APBB2: variants seen among roughly 807,000 people sequenced by gnomAD.
APBB2 encodes the protein Fe65-like 1.
A neutral mutation model predicts 82.5 loss-of-function variants in APBB2; 38 were observed. That is an observed-to-expected ratio of 0.46 (90% CI 0.36 to 0.60). The LOEUF is 0.60. Ranked by LOEUF, APBB2 falls within the 20% of genes least tolerant of loss-of-function variation. The pLI is 0.00. For synonymous variants in APBB2, 341 were observed against 368.2 expected, an observed-to-expected ratio of 0.93 and a Z score of 0.85; for missense variants, 772 against 972.3, an observed-to-expected ratio of 0.79 and a Z score of 2.74.
At chr4:40,904,633 G>A (rs79542621) in intron 10 of APBB2, among the ~76,000 whole-genome samples, 16,417 of 150,078 alleles carry the variant, frequency 0.11, 1,268 homozygotes, top group African/African-American at 0.21. Flanking sequence ...AGGCAGAAAC[G>A]ATCACTGTCA....
chr4:41,024,567 G>A (rs1713175607), intron 5 of APBB2, among the ~76,000 whole-genome samples: 1 of 152,330 alleles, frequency 6.6e-6, no homozygotes. Context: ...CCTGGACCCA[G>A]GTGAAGTCTC....
chr4:40,821,057 G>A (rs1323667373), intron 17 of APBB2, among the ~76,000 whole-genome samples: 1 of 152,096 alleles, frequency 6.6e-6, no homozygotes, highest in African/African-American at 2.4e-5. Flanking sequence ...AGTAGAGACA[G>A]GGCTTCTCCA....
In APBB2 at chr4:40,810,090, T is replaced by C. The variant is rs1211042945; in HGVS notation, c.*6002A>G. On this transcript the variant is annotated 3_prime_UTR_variant, in exon 18 of 18. Coordinates refer to ENST00000508593, the MANE Select transcript of APBB2 (RefSeq NM_004307.2). ...TGTATAGAAATGTTACATAAATTCC[T>C]AAATGCTCAATTCAGGTGGCATGAT... 1 of 152,248 alleles carries C rather than the reference T, an allele frequency of 6.6e-6. No individual in the cohort carries two copies. Among genetic ancestry groups the C allele is most frequent in the Non-Finnish European group, 1.5e-5 (1 of 68,042 alleles). The allele number at this position is 152,248 out of a possible 1,614,324, so 9.4% of individuals were successfully genotyped here.
At chr4:41,031,808 A>G (rs1040272478) in intron 5 of APBB2, among the ~76,000 whole-genome samples, 2 of 152,224 alleles carry the variant, frequency 1.3e-5, no homozygotes, top group African/African-American at 4.8e-5. Context: ...TAAAAGAATT[A>G]TTCTCAACAT....
chr4:40,910,121 ATTTTTT>A (rs34289899), intron 10 of APBB2, among the ~76,000 whole-genome samples: 3 of 142,784 alleles, frequency 2.1e-5, no homozygotes, highest in Non-Finnish European at 3.0e-5. Context: ...TGCCTGGCTA[ATTTTTT>A]TTTTTTTTTT....
rs141889550 is a variant in APBB2 at position 41,087,726 on chromosome 4, G to T, written c.-149+12913C>A. Among the ~76,000 whole-genome samples the T allele has an allele frequency of 1.8e-4, 27 of 152,234 alleles. No homozygotes were observed. The East Asian group carries it at 3.3e-3, about 18-fold the overall frequency. The stretch of plus-strand genomic sequence containing the variant: ...TTACAGGTGTGAGCCACTGTGGCCA[G>T]CCAGAATCCAGTATTTTAAACAAAG... On this transcript the variant is annotated intron_variant, in intron 3 of 17. Coordinates refer to ENST00000508593, the MANE Select transcript of APBB2 (RefSeq NM_004307.2).
intron 10 of APBB2, among the ~76,000 whole-genome samples, chr4:40,897,673 G>A (rs188049464): frequency 1.3e-4 from 20 of 152,272 alleles, no homozygotes; most frequent in Admixed American, 8.5e-4. Flanking sequence ...TGTGGCTTAA[G>A]TGAGAGGAAA....
chr4:40,821,778 T>C (rs1478450137), intron 17 of APBB2, 93 bp downstream of exon 17: 14 of 1,457,760 alleles, frequency 9.6e-6, no homozygotes, highest in Non-Finnish European at 1.3e-5. Context: ...ATTCGACTTT[T>C]TTCATTTCCG....
intron 10 of APBB2, among the ~76,000 whole-genome samples, chr4:40,921,521 G>A (rs376909225): frequency 3.9e-5 from 6 of 152,168 alleles, no homozygotes; most frequent in African/African-American, 1.2e-4. Flanking sequence ...GATGAAGGTC[G>A]ACACTGGATG....
intron 5 of APBB2, among the ~76,000 whole-genome samples, chr4:41,019,054 G>A (rs914590980): frequency 6.6e-6 from 1 of 152,324 alleles, no homozygotes; most frequent in South Asian, 2.1e-4. Context: ...CTGGTGAATT[G>A]AGTAATTAGA....
chr4:41,112,762 G>A (rs768324583), intron 2 of APBB2, among the ~76,000 whole-genome samples: 1 of 152,142 alleles, frequency 6.6e-6, no homozygotes, highest in Non-Finnish European at 1.5e-5. Context: ...GGCCAAGGCG[G>A]GTGGATCATG....
At chr4:40,835,373 C>T (rs1054465510) in intron 12 of APBB2, among the ~76,000 whole-genome samples, 5 of 152,076 alleles carry the variant, frequency 3.3e-5, no homozygotes, top group African/African-American at 9.7e-5. Context: ...AGATAAGGTT[C>T]CAGCCTTGCA....
chr4:40,961,667 T>TAAAAAAAAAA (rs60942744), intron 6 of APBB2, among the ~76,000 whole-genome samples: 1 of 68,246 alleles, frequency 1.5e-5, no homozygotes, highest in Non-Finnish European at 2.5e-5. Flanking sequence ...AAAAAAGATG[T>TAAAAAAAAAA]AAAAAAAAAA....
Position 40,823,704 on chromosome 4 carries a change from C to G in APBB2, c.1872G>C (p.Glu624Asp), listed in dbSNP as rs1252837306. 1 of 1,614,026 alleles carries G rather than the reference C, an allele frequency of 6.2e-7. No individual in the cohort carries two copies. The highest frequency in any genetic ancestry group is 8.5e-7 in the Non-Finnish European group (1 of 1,180,006). The change falls in exon 16 of 18, where the codon GAG becomes GAC. Residue 624 changes from glutamate to aspartate, a missense_variant. By Grantham distance (45) the Glu-to-Asp change is conservative. Coordinates refer to ENST00000508593, the MANE Select transcript of APBB2 (RefSeq NM_004307.2). ...CGTTCATGTTCACTGACAGCCAGTC[C>G]TCCTTGTTGGATGAGGTCATAAGAT... ...IENLMTSSNK[E>D]DWLSVNMNVA...
At chr4:40,899,753 T>C (rs1012930238) in intron 10 of APBB2, among the ~76,000 whole-genome samples, 1 of 152,260 alleles carries the variant, frequency 6.6e-6, no homozygotes, top group Admixed American at 6.5e-5. Flanking sequence ...TTCTGTCCTT[T>C]TCCTTTCTCT....
At chr4:41,107,073 G>A (rs1032519219) in intron 2 of APBB2, among the ~76,000 whole-genome samples, 3 of 152,088 alleles carry the variant, frequency 2.0e-5, no homozygotes, top group Non-Finnish European at 4.4e-5. Context: ...ACTCTGGGAG[G>A]CCAAGGCAGG....
At chr4:40,961,410 C>T (rs368915481) in intron 6 of APBB2, among the ~76,000 whole-genome samples, 6 of 143,026 alleles carry the variant, frequency 4.2e-5, no homozygotes, top group Middle Eastern at 3.9e-3. Context: ...AACCAAACAC[C>T]GCATATTCTC....
At chr4:40,996,279 G>C (rs980438111) in intron 6 of APBB2, among the ~76,000 whole-genome samples, 6 of 152,170 alleles carry the variant, frequency 3.9e-5, no homozygotes, top group Non-Finnish European at 5.9e-5. Flanking sequence ...ACGAAGACTG[G>C]TTAAACCATT....
chr4:41,206,968 C>T (rs192050599), intron 1 of APBB2, among the ~76,000 whole-genome samples: 2 of 152,062 alleles, frequency 1.3e-5, no homozygotes, highest in East Asian at 1.9e-4. Context: ...GAGGCTGAGG[C>T]GGGCAGATCA....
Sources: allele counts gnomAD v4.1 joint callset (sites outside exome capture counted in the v4.1 genomes callset), GRCh38; gene constraint gnomAD v4.1.1; transcripts MANE v1.5; gene names NCBI Gene and HGNC (gene_info 2026-07-23, HGNC 2026-07-21).